Variants in TENM1 observed in about 807,000 individuals in gnomAD.
TENM1 encodes the protein teneurin transmembrane protein 1.
TENM1 carries 35 observed loss-of-function variants against 174.8 expected under a neutral mutation model. That is an observed-to-expected ratio of 0.20 (90% CI 0.15 to 0.27). The LOEUF is 0.27. TENM1 is among the 10% of genes least tolerant of loss of function. The pLI, the probability that TENM1 is intolerant of heterozygous loss-of-function variation, is 1.00. For missense variants in TENM1, 1,633 were observed against 2,130.1 expected (o/e 0.77, Z 4.59); for synonymous variants, 781 against 798.7 (o/e 0.98, Z 0.37).
intron 25 of TENM1, among the ~76,000 whole-genome samples, chrX:124,411,030 A>G (rs1305968930): frequency 8.9e-6 from 1 of 112,148 alleles, no homozygotes; most frequent in Non-Finnish European, 1.9e-5. Context: ...ATCCATGCAT[A>G]GGGGTACAAG....
intron 11 of TENM1, among the ~76,000 whole-genome samples, chrX:124,628,926 T>C (rs2148343746): frequency 9.0e-6 from 1 of 111,690 alleles, no homozygotes; most frequent in South Asian, 3.8e-4. Flanking sequence ...TCATTTCGCC[T>C]ATAGTGAGGA....
At chrX:124,791,591 A>C (rs891475143) in intron 3 of TENM1, among the ~76,000 whole-genome samples, 4 of 111,593 alleles carry the variant, frequency 3.6e-5, no homozygotes, top group African/African-American at 1.3e-4. Flanking sequence ...GTCACTGATA[A>C]TGGATCTCAT....
At chrX:125,172,339 C>T in the TENM1 span, among the ~76,000 whole-genome samples, 6 of 109,707 alleles carry the variant, frequency 5.5e-5, no homozygotes, top group South Asian at 8.0e-4. Context: ...CCATTTTAAA[C>T]GAGAAGAAAC....
At chrX:125,098,302 T>C in the TENM1 span, among the ~76,000 whole-genome samples, 1 of 111,915 alleles carries the variant, frequency 8.9e-6, no homozygotes, top group South Asian at 3.7e-4. Context: ...TGTTTTGCTA[T>C]GTCCTCAAAA....
At chrX:125,005,410 TGTG>T in the TENM1 span, among the ~76,000 whole-genome samples, 31 of 60,188 alleles carry the variant, frequency 5.2e-4, no homozygotes, top group African/African-American at 3.4e-3. Context: ...GACTTGGTTG[TGTG>T]TGTGTGTGTG....
intron 3 of TENM1, among the ~76,000 whole-genome samples, chrX:124,881,122 G>A (rs964780263): frequency 9.0e-6 from 1 of 111,553 alleles, no homozygotes. Flanking sequence ...GTTCTTAGAA[G>A]GTTCGGTAAA....
In TENM1 at chrX:124,396,335, T is replaced by G. The variant is rs1310331549; in HGVS notation, c.5392-3987A>C. ...TTTTTTTTTCGAGCCGGAGTTTTGC[T>G]CTTGTCACCCAGGCTGGAGTGCAAT... On this transcript the variant is annotated intron_variant, in intron 27 of 31. Coordinates refer to ENST00000422452, the Ensembl canonical transcript of TENM1. 5.2e-5 allele frequency among the ~76,000 whole-genome samples: 4 copies of G among 76,833 alleles called. No homozygotes were observed. In the East Asian group the frequency reaches 1.1e-3, roughly 22 times the overall value. The allele number at this position is 76,833 out of a possible 115,157, so 66.7% of individuals were successfully genotyped here.
At chrX:124,437,355 G>T (rs1285209982) in intron 23 of TENM1, among the ~76,000 whole-genome samples, 1 of 110,499 alleles carries the variant, frequency 9.0e-6, no homozygotes, top group Non-Finnish European at 1.9e-5. Flanking sequence ...ACTAGTAAAG[G>T]TGAACTGGAA....
chrX:124,881,135 T>C lies in TENM1; in HGVS notation c.535+13161A>G, dbSNP rs1378655083. Among the ~76,000 whole-genome samples the C allele has an allele frequency of 7.2e-5, 8 of 111,794 alleles. No individual in the cohort carries two copies. In the Admixed American group the frequency reaches 7.6e-4, roughly 11 times the overall value. ...TAGTTCTTAGAAGGTTCGGTAAAAA[T>C]TGTCAGTGAAACCATTCTGTCCTGA... On this transcript the variant is annotated intron_variant, in intron 3 of 31. Coordinates refer to ENST00000422452, the Ensembl canonical transcript of TENM1.
At chrX:124,585,380 A>T (rs375200192) in intron 11 of TENM1, among the ~76,000 whole-genome samples, 2 of 111,010 alleles carry the variant, frequency 1.8e-5, no homozygotes, top group East Asian at 5.6e-4. Context: ...GGATTAAGAA[A>T]CTCACTCAAA....
At chrX:124,581,953 T>C (rs994587541) in intron 11 of TENM1, among the ~76,000 whole-genome samples, 2 of 111,708 alleles carry the variant, frequency 1.8e-5, no homozygotes, top group African/African-American at 6.5e-5. Context: ...AGGTAAACAG[T>C]GCCATGGTGG....
the TENM1 span, among the ~76,000 whole-genome samples, chrX:125,001,969 AC>A: frequency 2.0e-5 from 2 of 101,959 alleles, no homozygotes; most frequent in Non-Finnish European, 4.0e-5. Flanking sequence ...ACACACACAC[AC>A]ACAAGATCAA....
At chrX:124,983,674 G>A in the TENM1 span, among the ~76,000 whole-genome samples, 2 of 111,527 alleles carry the variant, frequency 1.8e-5, no homozygotes, top group African/African-American at 3.3e-5. Flanking sequence ...AGGCTGGAGT[G>A]CAGTGGTATA....
At chrX:124,666,446 C>T (rs2051765927) in intron 6 of TENM1, among the ~76,000 whole-genome samples, 1 of 111,486 alleles carries the variant, frequency 9.0e-6, no homozygotes, top group African/African-American at 3.3e-5. Flanking sequence ...TTTTGTTTTC[C>T]GAAATTCTCC....
At chrX:124,565,688 G>T in intron 11 of TENM1, 128 bp from the exon 15 acceptor site, 1 of 425,207 alleles carries the variant, frequency 2.4e-6, no homozygotes, top group Non-Finnish European at 3.4e-6. Flanking sequence ...TATTTTAATA[G>T]AGATGGGGTC....
chrX:124,954,898 C>T (rs899374542), intron 1 of TENM1, among the ~76,000 whole-genome samples: 1 of 111,859 alleles, frequency 8.9e-6, no homozygotes, highest in Non-Finnish European at 1.9e-5. Context: ...CATCTGAAGC[C>T]TTTGACTTGA....
At chrX:124,431,598 C>T (rs1207691376) in intron 23 of TENM1, among the ~76,000 whole-genome samples, 1 of 112,131 alleles carries the variant, frequency 8.9e-6, no homozygotes, top group African/African-American at 3.2e-5. Context: ...CACTGATACT[C>T]TCTGAGCTTC....
At chrX:124,717,471 T>C (rs1182552663) in intron 4 of TENM1, among the ~76,000 whole-genome samples, 1 of 111,516 alleles carries the variant, frequency 9.0e-6, no homozygotes, top group African/African-American at 3.3e-5. Context: ...GAGCTGGAGT[T>C]ACAACATTAT....
At position 124,420,763 on chromosome X, in the gene TENM1, C is replaced by T. The variant is rs764225028; in HGVS notation, c.4530G>A (p.Ser1510=). Residue 1510 remains serine (S), a synonymous_variant, in exon 25 of 32, where the codon TCG becomes TCA. Coordinates refer to ENST00000422452, the Ensembl canonical transcript of TENM1. ...CTGCCACATAGAGGGTTCCATCAGG[C>T]GACACTGCTAAGGAGGAAGGGGCTT... 20 of 1,209,326 alleles carry T rather than the reference C, an allele frequency of 1.7e-5. No individual in the cohort carries two copies. The South Asian group carries it at 1.8e-4, about 11-fold the overall frequency.
Sources: gnomAD v4.1 joint callset for allele counts (sites outside exome capture counted in the v4.1 genomes callset) on GRCh38, gnomAD v4.1.1 for gene constraint, MANE v1.5 for transcripts, NCBI Gene and HGNC (gene_info 2026-07-23, HGNC 2026-07-21) for gene names.